Variants in STX8 observed in about 807,000 individuals in gnomAD.
The protein encoded by STX8 is syntaxin-8.
In STX8, 23 loss-of-function variants were observed where a neutral mutation model predicts 37.5. That is an observed-to-expected ratio of 0.61 (90% confidence interval 0.44 to 0.87). STX8 has a LOEUF of 0.87. Among genes scored for constraint, STX8 ranks in the 40% least tolerant of loss-of-function variants. STX8 has a pLI of 0.00. For missense variants in STX8, 313 were observed against 284.7 expected, an observed-to-expected ratio of 1.10 and a Z score of -0.71; for synonymous variants, 115 against 99.1, an observed-to-expected ratio of 1.16 and a Z score of -0.95.
rs1213423884 is a variant in STX8, at chr17:9,266,729, G to A, written c.644-16084C>T. ...TCCACATTCCTCTGGCCTCCAAGGT[G>A]ACATGGACTATATATAACCAAGGGC... On this transcript the variant is annotated intron_variant, in intron 7 of 7. Coordinates refer to ENST00000306357, the MANE Select transcript of STX8 (RefSeq NM_004853.3). 5.9e-5 allele frequency among the ~76,000 whole-genome samples: 9 copies of A among 152,248 alleles called. No individual in the cohort carries two copies. In the East Asian group the frequency reaches 1.5e-3, roughly 26 times the overall value.
At chr17:9,490,923 A>T (rs1317307068) in intron 6 of STX8, among the ~76,000 whole-genome samples, 3 of 152,104 alleles carry the variant, frequency 2.0e-5, no homozygotes, top group African/African-American at 7.2e-5. Flanking sequence ...CGCCTTCATG[A>T]TGTTGTGTGG....
chr17:9,432,324 G>A (rs1914013484), intron 6 of STX8, among the ~76,000 whole-genome samples: 1 of 152,100 alleles, frequency 6.6e-6, no homozygotes, highest in African/African-American at 2.4e-5. Flanking sequence ...AGATGTGCTG[G>A]CTAAATATCT....
intron 6 of STX8, among the ~76,000 whole-genome samples, chr17:9,436,412 G>A (rs945610517): frequency 1.3e-5 from 2 of 150,724 alleles, no homozygotes; most frequent in Non-Finnish European, 2.9e-5. Flanking sequence ...TAAACCCAAA[G>A]ACTCCATGAA....
rs139193683 is a variant in STX8 at position 9,269,678 on chromosome 17, C to T, written c.644-19033G>A. Among the ~76,000 whole-genome samples the T allele has an allele frequency of 2.0e-5, 3 of 152,346 alleles. 1 individual carries two copies. Among genetic ancestry groups the T allele is most frequent in the African/African-American group, 7.2e-5 (3 of 41,572 alleles). ...ATGGTCTGTCAGAGATTTCAGAAGT[C>T]ATTTCAAAGCAACATTAAAAAGTTG... On this transcript the variant is annotated intron_variant, in intron 7 of 7. Transcript: ENST00000306357.
chr17:9,495,360 AAAAT>A (rs1438640458), intron 5 of STX8, among the ~76,000 whole-genome samples: 1 of 152,220 alleles, frequency 6.6e-6, no homozygotes, highest in African/African-American at 2.4e-5. Context: ...ATGTTATAGT[AAAAT>A]TCTAAATGCA....
At chr17:9,272,025 G>A (rs1448161610) in intron 7 of STX8, among the ~76,000 whole-genome samples, 1 of 152,176 alleles carries the variant, frequency 6.6e-6, no homozygotes, top group African/African-American at 2.4e-5. Flanking sequence ...GATGCACCCC[G>A]AGAAGTGGAG....
At chr17:9,400,436 G>C (rs9890803) in intron 6 of STX8, among the ~76,000 whole-genome samples, 132 of 146,144 alleles carry the variant, frequency 9.0e-4, no homozygotes, top group African/African-American at 3.1e-3. Context: ...ATGGAGTCTC[G>C]CGCTGTCACG....
At chr17:9,479,914 C>G (rs950424625) in intron 6 of STX8, among the ~76,000 whole-genome samples, 1 of 152,158 alleles carries the variant, frequency 6.6e-6, no homozygotes, top group African/African-American at 2.4e-5. Flanking sequence ...TCAAGGTTCT[C>G]AACCATGTTA....
chr17:9,288,140 CA>C (rs60385667), intron 7 of STX8, among the ~76,000 whole-genome samples: 12,367 of 61,178 alleles, frequency 0.2, 1,524 homozygotes, highest in East Asian at 0.36. Flanking sequence ...AACAAACAAA[CA>C]AAAAAAAAAA....
At chr17:9,472,820 C>T (rs1905928058) in intron 6 of STX8, among the ~76,000 whole-genome samples, 1 of 152,150 alleles carries the variant, frequency 6.6e-6, no homozygotes, top group Admixed American at 6.5e-5. Flanking sequence ...CACAGCTTTT[C>T]CTTGGAAAAC....
intron 6 of STX8, among the ~76,000 whole-genome samples, chr17:9,387,484 C>T (rs1295087928): frequency 6.6e-6 from 1 of 152,168 alleles, no homozygotes; most frequent in Non-Finnish European, 1.5e-5. Flanking sequence ...TTAGTAGACA[C>T]GGGTTTCACC....
At position 9,535,720 on chromosome 17, in the gene STX8, T is replaced by C. The variant is rs561115584; in HGVS notation, c.323+9452A>G. ...GTGCTGGGATTACAGGCGTGAGCCATCGTGCCCATCCTCCAGCCATCCTAC... is the reference window on the plus strand; with the variant it reads ...GTGCTGGGATTACAGGCGTGAGCCACCGTGCCCATCCTCCAGCCATCCTAC... On this transcript the variant is annotated intron_variant, in intron 4 of 7. Transcript: ENST00000306357. Among the ~76,000 whole-genome samples, 8 of 151,948 alleles carry C rather than the reference T, an allele frequency of 5.3e-5. No individual in the cohort carries two copies. The South Asian group carries it at 8.3e-4, about 16-fold the overall frequency.
At position 9,270,793 on chromosome 17, in the gene STX8, T is replaced by C. The variant is rs1238127051; in HGVS notation, c.644-20148A>G. On this transcript the variant is annotated intron_variant, in intron 7 of 7. Coordinates refer to ENST00000306357, the MANE Select transcript of STX8 (RefSeq NM_004853.3). ...CCAGTTGGTATTGCTAAATTCAAAATCAATATATTCTCCATTAGTGATATG... is the reference window on the plus strand; with the variant it reads ...CCAGTTGGTATTGCTAAATTCAAAACCAATATATTCTCCATTAGTGATATG... Among the ~76,000 whole-genome samples, 3 of 152,222 alleles carry C rather than the reference T, an allele frequency of 2.0e-5. 1 individual carries two copies. Among genetic ancestry groups the C allele is most frequent in the Non-Finnish European group, 4.4e-5 (3 of 68,046 alleles).
In STX8 at chr17:9,544,860, C is replaced by T. The variant is rs146948288; in HGVS notation, c.323+312G>A. Among the ~76,000 whole-genome samples the T allele has an allele frequency of 2.4e-3, 367 of 152,080 alleles. 2 individuals are homozygous for T. Among genetic ancestry groups the T allele is most frequent in the African/African-American group, 8.7e-3 (360 of 41,490 alleles). ...ACAAAAAATTAGTCGGGCACGGTGG[C>T]GGTGGGCGCCTGTAATCCCAACTAC... is the stretch of plus-strand genomic sequence containing the variant. On this transcript the variant is annotated intron_variant, in intron 4 of 7. Coordinates refer to ENST00000306357, the MANE Select transcript of STX8 (RefSeq NM_004853.3).
chr17:9,545,769 C>T (rs1488956521), intron 3 of STX8, among the ~76,000 whole-genome samples: 2 of 152,274 alleles, frequency 1.3e-5, no homozygotes, highest in African/African-American at 2.4e-5. Context: ...TTATTAGAGA[C>T]GGGTTTTTGC....
At chr17:9,274,744 CTTTT>C (rs201550065) in intron 7 of STX8, among the ~76,000 whole-genome samples, 1 of 88,884 alleles carries the variant, frequency 1.1e-5, no homozygotes, top group African/African-American at 3.7e-5. Context: ...ACAACAATTT[CTTTT>C]TTCTTTTTTT....
chr17:9,423,350 GTC>G (rs565652565), intron 6 of STX8, among the ~76,000 whole-genome samples: 3 of 152,238 alleles, frequency 2.0e-5, no homozygotes, highest in African/African-American at 7.2e-5. Flanking sequence ...TTGAGACGGA[GTC>G]TCTCTCTCTG....
At chr17:9,273,499 C>T (rs1425967657) in intron 7 of STX8, 2 of 152,556 alleles carry the variant, frequency 1.3e-5, no homozygotes, top group Non-Finnish European at 2.9e-5. Context: ...AGGGACCCCT[C>T]TCCCCACTGC....
intron 2 of STX8, among the ~76,000 whole-genome samples, chr17:9,567,229 G>A (rs904199317): frequency 3.9e-5 from 6 of 152,098 alleles, no homozygotes; most frequent in African/African-American, 1.2e-4. Flanking sequence ...ACAAAATAAC[G>A]TGTACAACAA....
Sources: allele counts gnomAD v4.1 joint callset (sites outside exome capture counted in the v4.1 genomes callset), GRCh38; gene constraint gnomAD v4.1.1; transcripts MANE v1.5; gene names NCBI Gene and HGNC (gene_info 2026-07-23, HGNC 2026-07-21).